CEP41: variants seen among roughly 807,000 people sequenced by gnomAD.
The protein encoded by CEP41 is centrosomal protein 41, also known as centrosomal protein of 41 kDa.
Under a neutral mutation model 44.3 loss-of-function variants are expected in CEP41, and 32 were observed. That is an observed-to-expected ratio of 0.72 (90% CI 0.54 to 0.97). The LOEUF is 0.97. CEP41 is among the 50% of genes least tolerant of loss of function. The pLI is 0.00. For missense variants in CEP41, 432 were observed against 455.2 expected, an observed-to-expected ratio of 0.95 and a Z score of 0.46; for synonymous variants, 151 against 168.5, an observed-to-expected ratio of 0.90 and a Z score of 0.80.
At chr7:130,423,691 C>T (rs1407180268) in intron 2 of CEP41, among the ~76,000 whole-genome samples, 1 of 152,188 alleles carries the variant, frequency 6.6e-6, no homozygotes, top group Non-Finnish European at 1.5e-5. Flanking sequence ...GCACTATGTC[C>T]AGTAAGTGTA....
intron 2 of CEP41, among the ~76,000 whole-genome samples, chr7:130,424,596 G>C (rs1389841809): frequency 6.6e-6 from 1 of 152,028 alleles, no homozygotes; most frequent in Non-Finnish European, 1.5e-5. Context: ...GGGTGAACAC[G>C]TAATTAAATA....
chr7:130,437,028 G>C (rs1280319011), intron 1 of CEP41, among the ~76,000 whole-genome samples: 1 of 152,030 alleles, frequency 6.6e-6, no homozygotes, highest in Non-Finnish European at 1.5e-5. Flanking sequence ...AACAGAGTGA[G>C]AGTTTATCTC....
In CEP41 at chr7:130,411,199, A is replaced by G; in HGVS notation, c.208-8T>C. On this transcript the variant is annotated splice_polypyrimidine_tract_variant and splice_region_variant and intron_variant, in intron 4 of 10. Coordinates refer to ENST00000223208, the MANE Select transcript of CEP41 (RefSeq NM_018718.3). ...GGAAGCAACTTGGATGATCTGATAG[A>G]AAAAAGAATGAAATGTGTGGATGTT... is the stretch of plus-strand genomic sequence containing the variant. 2 of 1,610,698 alleles carry G rather than the reference A, an allele frequency of 1.2e-6. No homozygotes were observed. Among genetic ancestry groups the G allele is most frequent in the Non-Finnish European group, 1.7e-6 (2 of 1,176,920 alleles).
intron 3 of CEP41, among the ~76,000 whole-genome samples, chr7:130,414,822 G>A (rs1005354981): frequency 1.3e-5 from 2 of 152,214 alleles, no homozygotes; most frequent in Admixed American, 6.5e-5. Context: ...GTCTGTCCTC[G>A]CAAGAGCGAA....
At chr7:130,412,639 A>G (rs1443269226) in intron 3 of CEP41, among the ~76,000 whole-genome samples, 1 of 152,252 alleles carries the variant, frequency 6.6e-6, no homozygotes, top group Non-Finnish European at 1.5e-5. Context: ...AAATGAGGAC[A>G]GAGACTCAGA....
At chr7:130,429,560 A>T (rs1797765277) in intron 1 of CEP41, among the ~76,000 whole-genome samples, 2 of 152,162 alleles carry the variant, frequency 1.3e-5, no homozygotes, top group South Asian at 4.1e-4. Context: ...AAATTACTGC[A>T]ATGTCTTCCT....
intron 3 of CEP41, among the ~76,000 whole-genome samples, chr7:130,413,027 T>C (rs1797229964): frequency 1.3e-5 from 2 of 152,226 alleles, no homozygotes; most frequent in Non-Finnish European, 2.9e-5. Flanking sequence ...TTTATTTCTC[T>C]GTCGCCCAGG....
chr7:130,431,913 A>G (rs1443719409), intron 1 of CEP41, among the ~76,000 whole-genome samples: 37 of 152,156 alleles, frequency 2.4e-4, no homozygotes, highest in Admixed American at 2.4e-3. Context: ...TGTACCCCCA[A>G]GACATTTGTC....
Position 130,419,710 on chromosome 7 carries a change from C to CA in CEP41, c.98-2745dup, listed in dbSNP as rs1244218246. 7.1e-6 allele frequency: 7 copies of CA among 985,242 alleles called. No homozygotes were observed. The African/African-American group carries it at 1.0e-4, about 15-fold the overall frequency. The allele number at this position is 985,242 out of a possible 1,614,324, so 61.0% of individuals were successfully genotyped here. On this transcript the variant is annotated intron_variant, in intron 2 of 10. Coordinates refer to ENST00000223208, the MANE Select transcript of CEP41 (RefSeq NM_018718.3). ...CTAAAGCTGAAACTCCTTGCTCTAGCACTGGACACCAACTCACTACCTCTT... is the reference window on the plus strand; with the variant it reads ...CTAAAGCTGAAACTCCTTGCTCTAGCAACTGGACACCAACTCACTACCTCTT...
intron 2 of CEP41, among the ~76,000 whole-genome samples, chr7:130,418,447 G>A (rs946053602): frequency 4.6e-5 from 7 of 152,146 alleles, no homozygotes; most frequent in Non-Finnish European, 4.4e-5. Flanking sequence ...ATACAATGGC[G>A]GAAGAAGACG....
At chr7:130,421,705 G>A (rs1027971463) in intron 2 of CEP41, 1 of 1,154,676 alleles carries the variant, frequency 8.7e-7, no homozygotes, top group Non-Finnish European at 1.1e-6. Context: ...AGTGGAGAAA[G>A]CCTACAGAAT....
chr7:130,398,106 A>G lies in CEP41; in HGVS notation c.*785T>C, dbSNP rs1554415611. The G allele has an allele frequency of 2.2e-6, 1 of 453,940 alleles. No individual in the cohort carries two copies. Among genetic ancestry groups the G allele is most frequent in the Non-Finnish European group, 4.4e-6 (1 of 226,746 alleles). 28.1% of individuals were successfully genotyped at this position (453,940 alleles called of 1,614,324 possible). A position where few individuals can be genotyped will look rare whatever the true frequency, so the allele number is the denominator to read the frequency against. ...CGTCATAACTGATATACTGACCACA[A>G]GTGAGGGCCGCTTTGGTGGGCTTCA... On this transcript the variant is annotated 3_prime_UTR_variant, in exon 11 of 11. Transcript: ENST00000223208.
chr7:130,439,609 A>G (rs1798078882), intron 1 of CEP41, among the ~76,000 whole-genome samples: 1 of 152,172 alleles, frequency 6.6e-6, no homozygotes, highest in African/African-American at 2.4e-5. Context: ...GATGCCACGT[A>G]TAAGTGAGAT....
chr7:130,423,664 C>A (rs929734654), intron 2 of CEP41, among the ~76,000 whole-genome samples: 2 of 152,220 alleles, frequency 1.3e-5, no homozygotes, highest in African/African-American at 2.4e-5. Flanking sequence ...TAAATTTGTA[C>A]ACTGATGTTC....
In CEP41 at chr7:130,441,013, C is replaced by G. The variant is rs1554427587; in HGVS notation, c.-47G>C. On this transcript the variant is annotated 5_prime_UTR_variant, in exon 1 of 11. Coordinates refer to ENST00000223208, the MANE Select transcript of CEP41 (RefSeq NM_018718.3). ...TCGGGGTTCTAGCCTCACGGGTTGC[C>G]TCTAACCCTAGCTTCCTACCCCCAC... 1.2e-6 allele frequency: 2 copies of G among 1,602,784 alleles called. No individual in the cohort carries two copies. Among genetic ancestry groups the G allele is most frequent in the Non-Finnish European group, 1.7e-6 (2 of 1,172,688 alleles).
At position 130,400,131 on chromosome 7, in the gene CEP41, A is replaced by G. The variant is rs1414616861; in HGVS notation, c.881T>C (p.Leu294Pro). 3.1e-6 allele frequency: 5 copies of G among 1,613,620 alleles called. No homozygotes were observed. The highest frequency in any genetic ancestry group is 4.2e-6 in the Non-Finnish European group (5 of 1,179,840). Residue 294 changes from leucine (L) to proline (P), a missense_variant, in exon 10 of 11, where the codon CTA (leucine) becomes CCA (proline). Transcript: ENST00000223208. ...RKRSSPKGPP[L>P]PAENKWRFTP... ...AAATCTCCATTTATTCTCAGCTGGT[A>G]GGGGTGGCCCTTTGGGGCTGGATCG...
rs7784361 is a variant in CEP41 at position 130,440,699 on chromosome 7, T to C, written c.33+235A>G. ...TCTTTGGGTACTTCGCTCCTCGCAG[T>C]CACAAGTACTGGCGTGCGTACGCGG... On this transcript the variant is annotated intron_variant, in intron 1 of 10. Transcript: ENST00000223208. 0.045 allele frequency: 27,048 copies of C among 605,274 alleles called. 1,638 individuals are homozygous for C. Among genetic ancestry groups the C allele is most frequent in the African/African-American group, 0.22 (11,853 of 53,620 alleles). 37.5% of individuals were successfully genotyped at this position (605,274 alleles called of 1,614,324 possible). A position where few individuals can be genotyped will look rare whatever the true frequency, so the allele number is the denominator to read the frequency against.
At chr7:130,430,220 A>G (rs1292430404) in intron 1 of CEP41, among the ~76,000 whole-genome samples, 1 of 152,224 alleles carries the variant, frequency 6.6e-6, no homozygotes, top group Non-Finnish European at 1.5e-5. Context: ...TGCCAAGGAC[A>G]TAAAAAACAA....
chr7:130,421,419 T>C (rs1797504696), intron 2 of CEP41: 9 of 985,484 alleles, frequency 9.1e-6, no homozygotes, highest in Non-Finnish European at 1.1e-5. Context: ...TGGTCCTTTG[T>C]TAACCTCAAT....
Sources: gnomAD v4.1 joint callset for allele counts (sites outside exome capture counted in the v4.1 genomes callset) on GRCh38, gnomAD v4.1.1 for gene constraint, MANE v1.5 for transcripts, NCBI Gene and HGNC (gene_info 2026-07-23, HGNC 2026-07-21) for gene names.